The following ZNF106 variants were observed in gnomAD, a reference collection of about 807,000 sequenced individuals.
ZNF106 encodes zinc finger protein 106, also known as SH3-domain binding protein 3.
A neutral mutation model predicts 195.1 loss-of-function variants in ZNF106; 67 were observed. That is an observed-to-expected ratio of 0.34 (90% CI 0.28 to 0.42). The LOEUF is 0.42. Ranked by LOEUF, ZNF106 falls within the 10% of genes least tolerant of loss-of-function variation. The pLI, the probability that ZNF106 is intolerant of heterozygous loss-of-function variation, is 1.00. For missense variants in ZNF106, 2,118 were observed against 2,304.5 expected (o/e 0.92, Z 1.66); for synonymous variants, 784 against 818.6 (o/e 0.96, Z 0.72).
Position 42,439,667 on chromosome 15 carries a change from A to C in ZNF106, c.3910T>G (p.Ser1304Ala). The C allele has an allele frequency of 6.2e-7, 1 of 1,614,034 alleles. No individual in the cohort carries two copies. The highest frequency in any genetic ancestry group is 1.3e-5 in the African/African-American group (1 of 75,046). Residue 1304 changes from serine (S) to alanine (A), a missense_variant, in exon 11 of 22, where the codon TCT (serine) becomes GCT (alanine). Ser to Ala is a moderately conservative substitution (Grantham distance 99, BLOSUM62 1). Transcript: ENST00000564754. ...CTAGAAAGACCAGCTGATTGGGAAG[A>C]GGGAGAGTTTTCTCTGTTTCTGGTA... ...RNTRNRENSP[S>A]SQSAGLSSIN... is the part of the protein sequence containing the mutation.
intron 21 of ZNF106, 131 bp from the exon 22 acceptor site, chr15:42,417,491 C>T: frequency 1.9e-6 from 2 of 1,029,570 alleles, no homozygotes; most frequent in Non-Finnish European, 2.9e-6. Flanking sequence ...GGAGCCAGCA[C>T]TTTGCTAACT....
chr15:42,423,936 A>G (rs1164689769), intron 17 of ZNF106, 62 bp downstream of exon 17: 3 of 1,484,036 alleles, frequency 2.0e-6, no homozygotes, highest in Non-Finnish European at 2.7e-6. Flanking sequence ...GTTTAAGAAA[A>G]CCATCAAGCT....
At position 42,448,581 on chromosome 15, in the gene ZNF106, C is replaced by A. The variant is rs551163884; in HGVS notation, c.2626G>T (p.Gly876Cys). ...WEGVSISSSPGLARKRSLSES... is the reference protein window; with the variant it reads ...WEGVSISSSPCLARKRSLSES... ...GAAAGGCTTCGCTTTCTTGCCAAGCCAGGGGACGAGGAAATGGAAACACCT... is the reference window on the plus strand; with the variant it reads ...GAAAGGCTTCGCTTTCTTGCCAAGCAAGGGGACGAGGAAATGGAAACACCT... Residue 876 changes from glycine (G) to cysteine (C), a missense_variant, in exon 6 of 22, where the codon GGC (glycine) becomes TGC (cysteine). Coordinates refer to ENST00000564754, the MANE Select transcript of ZNF106 (RefSeq NM_001366845.3). 7 of 1,614,022 alleles carry A rather than the reference C, an allele frequency of 4.3e-6. No homozygotes were observed. The highest frequency in any genetic ancestry group is 5.9e-6 in the Non-Finnish European group (7 of 1,180,028).
At chr15:42,463,413 T>C (rs923597663) in intron 3 of ZNF106, among the ~76,000 whole-genome samples, 1 of 152,180 alleles carries the variant, frequency 6.6e-6, no homozygotes, top group African/African-American at 2.4e-5. Context: ...TAAGGGCTTC[T>C]GGCCATGCAG....
At chr15:42,432,894 A>C (rs1433056566) in intron 14 of ZNF106, among the ~76,000 whole-genome samples, 1 of 151,968 alleles carries the variant, frequency 6.6e-6, no homozygotes, top group Non-Finnish European at 1.5e-5. Context: ...CAAAAATAAA[A>C]GTGTGTCTCT....
At chr15:42,459,254 T>A (rs1366206516) in intron 3 of ZNF106, among the ~76,000 whole-genome samples, 1 of 152,074 alleles carries the variant, frequency 6.6e-6, no homozygotes, top group East Asian at 1.9e-4. Flanking sequence ...GGCGGATGGA[T>A]CACCTGAGGT....
In ZNF106 at chr15:42,417,865, A is replaced by G. The variant is rs1409735826; in HGVS notation, c.5604T>C (p.Thr1868=). 11 of 1,613,924 alleles carry G rather than the reference A, an allele frequency of 6.8e-6. No homozygotes were observed. Among genetic ancestry groups the G allele is most frequent in the Non-Finnish European group, 9.3e-6 (11 of 1,179,972 alleles). ...LTDHTNPNFQ[T]LKCRWKNCDA... ...CGCAGTTCTTCCAGCGACATTTCAG[A>G]GTCTGGAAGTTGGGATTAGTGTGGT... Residue 1868 remains threonine, a synonymous_variant, in exon 21 of 22, where the codon ACT becomes ACC. Coordinates refer to ENST00000564754, the MANE Select transcript of ZNF106 (RefSeq NM_001366845.3).
In ZNF106 at chr15:42,439,677, TTC is replaced by T. The variant is rs1567008178; in HGVS notation, c.3898_3899del (p.Glu1300LysfsTer12). On this transcript the variant is annotated frameshift_variant, in exon 11 of 22. Transcript: ENST00000564754. LOFTEE classifies it high-confidence loss of function. ...SVEQRNTRNR[E>X]NSPSSQSAGL... ...CAGCTGATTGGGAAGAGGGAGAGTT[TTC>T]TCTGTTTCTGGTATTTCTTTGCTCC... is the stretch of plus-strand genomic sequence containing the variant. 1.9e-6 allele frequency: 3 copies of T among 1,614,068 alleles called. No homozygotes were observed. The highest frequency in any genetic ancestry group is 2.2e-5 in the East Asian group (1 of 44,880).
chr15:42,446,370 C>T (rs2055769734), intron 7 of ZNF106, among the ~76,000 whole-genome samples: 1 of 152,030 alleles, frequency 6.6e-6, no homozygotes, highest in South Asian at 2.1e-4. Flanking sequence ...CACTGGAGTC[C>T]AGGAGTTTGA....
chr15:42,477,574 G>A (rs1313786868), intron 1 of ZNF106, among the ~76,000 whole-genome samples: 1 of 152,078 alleles, frequency 6.6e-6, no homozygotes, highest in Non-Finnish European at 1.5e-5. Context: ...CAAAATTCGT[G>A]TATCCACAAA....
intron 14 of ZNF106, among the ~76,000 whole-genome samples, chr15:42,434,929 A>G (rs2055216206): frequency 1.3e-5 from 2 of 152,032 alleles, no homozygotes. Flanking sequence ...ATGCACCACC[A>G]TGCCTGGCTA....
intron 1 of ZNF106, among the ~76,000 whole-genome samples, chr15:42,476,715 C>A (rs1354045455): frequency 6.6e-6 from 1 of 151,924 alleles, no homozygotes; most frequent in Non-Finnish European, 1.5e-5. Flanking sequence ...ACTGAGTACA[C>A]CGAGGAGGAA....
intron 15 of ZNF106, among the ~76,000 whole-genome samples, chr15:42,426,044 A>C (rs1266220148): frequency 6.6e-6 from 1 of 152,168 alleles, no homozygotes; most frequent in African/African-American, 2.4e-5. Context: ...ACTAAGCAGA[A>C]AGCGACAGCT....
chr15:42,422,753 T>C (rs2054714269), intron 17 of ZNF106, 133 bp from the exon 18 acceptor site: 1 of 911,224 alleles, frequency 1.1e-6, no homozygotes, highest in Non-Finnish European at 1.5e-6. Flanking sequence ...TTGTATTAAC[T>C]GTACAAATAC....
At chr15:42,424,160 T>C (rs950601382) in intron 16 of ZNF106, 100 bp from the exon 17 acceptor site, 1 of 1,018,986 alleles carries the variant, frequency 9.8e-7, no homozygotes, top group African/African-American at 1.6e-5. Flanking sequence ...CATCCTATTT[T>C]GAGATGAGCA....
At chr15:42,483,572 T>C (rs1259838864) in intron 1 of ZNF106, among the ~76,000 whole-genome samples, 1 of 152,212 alleles carries the variant, frequency 6.6e-6, no homozygotes, top group African/African-American at 2.4e-5. Flanking sequence ...ACTATTCTCA[T>C]GCATGCTTAT....
In ZNF106 at chr15:42,448,116, G is replaced by C. The variant is rs1374311991; in HGVS notation, c.3091C>G (p.Gln1031Glu). ...TTTCTAATACTTTGGCCATCATTTT[G>C]TTCAGCACCAGAGGTACAGCTACTA... ...TDSSCTSGAEQNDGQSIRKKR... is the reference protein window; with the variant it reads ...TDSSCTSGAEENDGQSIRKKR... Residue 1031 changes from glutamine to glutamate, a missense_variant, in exon 6 of 22, where the codon CAA becomes GAA. Physicochemically the swap from Gln to Glu is conservative, Grantham distance 29. Transcript: ENST00000564754. The C allele has an allele frequency of 2.5e-6, 4 of 1,614,036 alleles. No homozygotes were observed. Among genetic ancestry groups the C allele is most frequent in the Non-Finnish European group, 3.4e-6 (4 of 1,179,956 alleles).
At chr15:42,431,292 T>C (rs1051473030) in intron 14 of ZNF106, among the ~76,000 whole-genome samples, 6 of 152,008 alleles carry the variant, frequency 3.9e-5, no homozygotes, top group African/African-American at 1.5e-4. Context: ...AAATGTTCTA[T>C]GTGCACATTC....
At chr15:42,417,738 G>C in intron 21 of ZNF106, 67 bp downstream of exon 21, 1 of 1,483,446 alleles carries the variant, frequency 6.7e-7, no homozygotes, top group Admixed American at 2.5e-5. Flanking sequence ...TAATAAAAAA[G>C]GTTTGCTAGC....
Sources: gnomAD v4.1 joint callset for allele counts (sites outside exome capture counted in the v4.1 genomes callset) on GRCh38, gnomAD v4.1.1 for gene constraint, MANE v1.5 for transcripts, NCBI Gene and HGNC (gene_info 2026-07-23, HGNC 2026-07-21) for gene names.